KLHL2: variants seen among roughly 807,000 people sequenced by gnomAD.
The protein encoded by KLHL2 is kelch-like protein 2.
A neutral mutation model predicts 75.8 loss-of-function variants in KLHL2; 15 were observed. The ratio of observed to expected loss-of-function variants is 0.20; its 90% CI spans 0.13 to 0.30. KLHL2 has a LOEUF of 0.30. Among genes scored for constraint, KLHL2 ranks in the 10% least tolerant of loss-of-function variants. KLHL2 has a pLI of 1.00. For synonymous variants in KLHL2, 214 were observed against 251.9 expected (o/e 0.85, Z 1.42); for missense variants, 381 against 741.0 (o/e 0.51, Z 5.64).
intron 1 of KLHL2, among the ~76,000 whole-genome samples, chr4:165,214,787 G>A (rs1361132495): frequency 1.3e-5 from 2 of 151,998 alleles, no homozygotes; most frequent in African/African-American, 4.8e-5. Flanking sequence ...TTCCTTTTCA[G>A]CTCTGGAAAA....
chr4:165,215,089 A>C (rs918901297), intron 1 of KLHL2, among the ~76,000 whole-genome samples: 3 of 152,208 alleles, frequency 2.0e-5, no homozygotes, highest in Admixed American at 6.5e-5. Flanking sequence ...AGATTAGTCT[A>C]CTGTTTCCAT....
At chr4:165,236,322 A>G (rs1365443440) in intron 3 of KLHL2, among the ~76,000 whole-genome samples, 2 of 152,222 alleles carry the variant, frequency 1.3e-5, no homozygotes, top group South Asian at 4.1e-4. Context: ...TATAGAGACT[A>G]TGGGAGGTTA....
Position 165,236,520 on chromosome 4 carries a change from A to G in KLHL2, c.260-2258A>G, listed in dbSNP as rs571417024. On this transcript the variant is annotated intron_variant, in intron 3 of 14. Transcript: ENST00000226725. ...GAGTGAGCCACAGCACCTGACTCTC[A>G]TTCATAGTTTTTAAAATGCATTAGC... Among the ~76,000 whole-genome samples, 29 of 152,324 alleles carry G rather than the reference A, an allele frequency of 1.9e-4. 2 individuals carry two copies. In the South Asian group the frequency reaches 5.0e-3, roughly 26 times the overall value.
chr4:165,213,011 A>G (rs1374534646), intron 1 of KLHL2, among the ~76,000 whole-genome samples: 1 of 152,216 alleles, frequency 6.6e-6, no homozygotes, highest in Non-Finnish European at 1.5e-5. Flanking sequence ...ATGTTTGTTC[A>G]CAAACTGACT....
chr4:165,293,192 A>G (rs563770174), intron 5 of KLHL2, among the ~76,000 whole-genome samples: 26 of 152,286 alleles, frequency 1.7e-4, no homozygotes, highest in African/African-American at 5.8e-4. Flanking sequence ...CGTTCTTTGT[A>G]AGGTTTTCAA....
chr4:165,284,453 T>C (rs1743933418), intron 5 of KLHL2, among the ~76,000 whole-genome samples: 1 of 152,194 alleles, frequency 6.6e-6, no homozygotes, highest in African/African-American at 2.4e-5. Flanking sequence ...GTCTCTTTGC[T>C]AAAACATAAC....
At chr4:165,269,715 A>G (rs1489253519) in intron 5 of KLHL2, among the ~76,000 whole-genome samples, 1 of 151,526 alleles carries the variant, frequency 6.6e-6, no homozygotes, top group African/African-American at 2.4e-5. Context: ...TTTGTGGGTA[A>G]CCCGACCTTT....
At chr4:165,214,538 C>T (rs1355395351) in intron 1 of KLHL2, among the ~76,000 whole-genome samples, 1 of 152,044 alleles carries the variant, frequency 6.6e-6, no homozygotes, top group Non-Finnish European at 1.5e-5. Context: ...TTTTACAGCT[C>T]CATTGTTCTA....
At chr4:165,286,728 T>C (rs1744121966) in intron 5 of KLHL2, among the ~76,000 whole-genome samples, 1 of 152,238 alleles carries the variant, frequency 6.6e-6, no homozygotes, top group Admixed American at 6.5e-5. Context: ...AATTGAGATC[T>C]GCTCTTGAGA....
chr4:165,302,118 G>C (rs1745395938), intron 8 of KLHL2, among the ~76,000 whole-genome samples: 1 of 152,176 alleles, frequency 6.6e-6, no homozygotes, highest in Admixed American at 6.5e-5. Flanking sequence ...TGCTCTATCA[G>C]GGTGGTGGGT....
Position 165,250,623 on chromosome 4 carries a change from T to C in KLHL2, c.381+11724T>C, listed in dbSNP as rs181615537. On this transcript the variant is annotated intron_variant, in intron 4 of 14. Transcript: ENST00000226725. ...AGCTATTAAATGAGGCCAACAGTGC[T>C]TTGCCACTGCATTGAAATCGTGTAA... is the stretch of plus-strand genomic sequence containing the variant. 2.8e-3 allele frequency among the ~76,000 whole-genome samples: 430 copies of C among 152,368 alleles called. 4 individuals carry two copies. Among genetic ancestry groups the C allele is most frequent in the Non-Finnish European group, 5.2e-3 (356 of 68,040 alleles).
intron 11 of KLHL2, among the ~76,000 whole-genome samples, chr4:165,311,809 CTGTGTGTGTGTG>C (rs60870309): frequency 0.02 from 2,970 of 144,882 alleles, 87 homozygotes; most frequent in African/African-American, 0.068. Flanking sequence ...TCCTTTCTCT[CTGTGTGTGTGTG>C]TGTGTGTGTG....
chr4:165,253,137 C>T (rs1390522705), intron 4 of KLHL2, among the ~76,000 whole-genome samples: 1 of 152,112 alleles, frequency 6.6e-6, no homozygotes, highest in East Asian at 1.9e-4. Flanking sequence ...TGGGTTCAGG[C>T]GATTCTCTTG....
intron 8 of KLHL2, 50 bp downstream of exon 8, chr4:165,299,706 A>G (rs1560819248): frequency 6.8e-7 from 1 of 1,475,436 alleles, no homozygotes; most frequent in Non-Finnish European, 9.1e-7. Flanking sequence ...AAGGCTTATA[A>G]GTGAAGCTGT....
chr4:165,321,505 G>A (rs980808448), intron 14 of KLHL2: 4 of 311,618 alleles, frequency 1.3e-5, no homozygotes, highest in African/African-American at 2.2e-5. Context: ...TAAAATATGT[G>A]TTAATTGACT....
chr4:165,310,363 TAGAA>T (rs1003311867), intron 9 of KLHL2, among the ~76,000 whole-genome samples, 186 bp from the exon 10 acceptor site: 2 of 152,026 alleles, frequency 1.3e-5, no homozygotes, highest in Admixed American at 1.3e-4. Context: ...ATAATAACCT[TAGAA>T]AGAAAGACAA....
At chr4:165,231,841 C>G (rs1738919532) in intron 3 of KLHL2, among the ~76,000 whole-genome samples, 1 of 152,134 alleles carries the variant, frequency 6.6e-6, no homozygotes, top group Non-Finnish European at 1.5e-5. Context: ...AGCTGTTTTT[C>G]CAAAGTTACT....
chr4:165,265,119 A>G (rs1046813751), intron 5 of KLHL2, among the ~76,000 whole-genome samples: 5 of 151,926 alleles, frequency 3.3e-5, no homozygotes, highest in Admixed American at 1.3e-4. Flanking sequence ...CATTTTCCTG[A>G]TGATTAGTGA....
chr4:165,312,192 G>A (rs1746258138), intron 11 of KLHL2, among the ~76,000 whole-genome samples: 1 of 152,112 alleles, frequency 6.6e-6, no homozygotes, highest in South Asian at 2.1e-4. Context: ...GTGCAGCCCG[G>A]TTCCTAACAG....
Sources: allele counts gnomAD v4.1 joint callset (sites outside exome capture counted in the v4.1 genomes callset), GRCh38; gene constraint gnomAD v4.1.1; transcripts MANE v1.5; gene names NCBI Gene and HGNC (gene_info 2026-07-23, HGNC 2026-07-21).